MAP2: variants seen among roughly 807,000 people sequenced by gnomAD.
MAP2 encodes the protein microtubule associated protein 2.
A neutral mutation model predicts 137.6 loss-of-function variants in MAP2; 14 were observed. The observed-to-expected ratio is 0.10, with a 90% confidence interval of 0.07 to 0.16. MAP2 has a LOEUF of 0.16. Among genes scored for constraint, MAP2 ranks in the 10% least tolerant of loss-of-function variants. The pLI, the probability that MAP2 is intolerant of heterozygous loss-of-function variation, is 1.00. For synonymous variants in MAP2, 786 were observed against 782.3 expected (o/e 1.00, Z -0.08); for missense variants, 2,088 against 2,191.5 (o/e 0.95, Z 0.94).
At chr2:209,524,816 G>A (rs1168480586) in intron 2 of MAP2, among the ~76,000 whole-genome samples, 2 of 152,002 alleles carry the variant, frequency 1.3e-5, no homozygotes, top group Admixed American at 1.3e-4. Flanking sequence ...GGATTACAAA[G>A]GGTGTGAAAA....
chr2:209,504,621 T>G (rs1176915008), intron 1 of MAP2, among the ~76,000 whole-genome samples: 1 of 152,178 alleles, frequency 6.6e-6, no homozygotes, highest in South Asian at 2.1e-4. Flanking sequence ...CCATGCAAGA[T>G]CCTAGGATAA....
chr2:209,589,166 CA>C (rs952169402), intron 3 of MAP2, among the ~76,000 whole-genome samples: 5 of 149,438 alleles, frequency 3.3e-5, no homozygotes, highest in African/African-American at 7.4e-5. Context: ...ATTTTAAGGA[CA>C]AAAAAAAATA....
chr2:209,463,466 C>A (rs1016879266), intron 1 of MAP2, among the ~76,000 whole-genome samples: 7 of 151,966 alleles, frequency 4.6e-5, no homozygotes, highest in African/African-American at 1.7e-4. Flanking sequence ...CTTTTTTTGG[C>A]CTCTCTCTGG....
Position 209,510,179 on chromosome 2 carries a change from C to G in MAP2, c.-172+2538C>G, listed in dbSNP as rs145215178. ...TACTTCTTTTTCTTTATTATTAATA[C>G]TGCTACCAGCATTTTGGTATATTTT... On this transcript the variant is annotated intron_variant, in intron 2 of 15. Coordinates refer to ENST00000682079, the MANE Select transcript of MAP2 (RefSeq NM_001375505.1). 2.0e-5 allele frequency among the ~76,000 whole-genome samples: 3 copies of G among 151,984 alleles called. No homozygotes were observed. The East Asian group carries it at 5.8e-4, about 29-fold the overall frequency.
At chr2:209,608,311 C>A (rs1307909358) in intron 3 of MAP2, among the ~76,000 whole-genome samples, 1 of 151,284 alleles carries the variant, frequency 6.6e-6, no homozygotes, top group African/African-American at 2.4e-5. Flanking sequence ...TTAATGGAGA[C>A]AGTATCTTGC....
intron 2 of MAP2, among the ~76,000 whole-genome samples, chr2:209,519,413 A>T (rs1342071962): frequency 6.6e-6 from 1 of 152,062 alleles, no homozygotes; most frequent in Non-Finnish European, 1.5e-5. Flanking sequence ...TGACAGGAAG[A>T]AGTTTTGCAA....
intron 5 of MAP2, among the ~76,000 whole-genome samples, chr2:209,677,813 C>T (rs1357092348): frequency 2.0e-5 from 3 of 151,858 alleles, no homozygotes; most frequent in Non-Finnish European, 4.4e-5. Context: ...CTTTAAAGAT[C>T]TTTAAAATAT....
intron 5 of MAP2, among the ~76,000 whole-genome samples, chr2:209,656,731 T>C (rs1417042813): frequency 6.6e-6 from 1 of 151,684 alleles, no homozygotes; most frequent in African/African-American, 2.4e-5. Flanking sequence ...GTCGTTATAA[T>C]AAGTCTAAAG....
chr2:209,681,730 T>G (rs1369694932), intron 7 of MAP2, among the ~76,000 whole-genome samples: 1 of 152,188 alleles, frequency 6.6e-6, no homozygotes, highest in Admixed American at 6.5e-5. Context: ...TTATTTTTCC[T>G]TTTTACTGTG....
intron 2 of MAP2, among the ~76,000 whole-genome samples, chr2:209,576,405 A>G (rs1371879883): frequency 6.6e-6 from 1 of 150,962 alleles, no homozygotes; most frequent in Non-Finnish European, 1.5e-5. Flanking sequence ...CACCACACCC[A>G]GCTAATTTTT....
intron 5 of MAP2, among the ~76,000 whole-genome samples, chr2:209,661,834 A>G (rs1167774641): frequency 6.6e-6 from 1 of 152,212 alleles, no homozygotes; most frequent in Non-Finnish European, 1.5e-5. Context: ...TATAATAAAG[A>G]ATTGTGTCTT....
intron 2 of MAP2, among the ~76,000 whole-genome samples, chr2:209,508,587 CACA>C (rs1559253496): frequency 6.8e-4 from 10 of 14,672 alleles, no homozygotes; most frequent in Middle Eastern, 0.1. Flanking sequence ...CTCTGTCCCA[CACA>C]CACACACACA....
At chr2:209,642,396 C>T (rs2094107645) in intron 4 of MAP2, among the ~76,000 whole-genome samples, 1 of 148,702 alleles carries the variant, frequency 6.7e-6, no homozygotes, top group South Asian at 2.1e-4. Context: ...CTCCGCATTC[C>T]AGCCTGAGTG....
At chr2:209,531,108 G>A (rs1373691358) in intron 2 of MAP2, among the ~76,000 whole-genome samples, 1 of 152,056 alleles carries the variant, frequency 6.6e-6, no homozygotes, top group African/African-American at 2.4e-5. Context: ...TTTCTGATTA[G>A]TGGCCAACAT....
At chr2:209,601,261 C>A (rs1378299574) in intron 3 of MAP2, among the ~76,000 whole-genome samples, 2 of 151,528 alleles carry the variant, frequency 1.3e-5, no homozygotes, top group Non-Finnish European at 2.9e-5. Flanking sequence ...GTAGTCAATC[C>A]TTTCAGTTTT....
At chr2:209,581,649 C>A (rs1320853679) in intron 3 of MAP2, among the ~76,000 whole-genome samples, 2 of 152,146 alleles carry the variant, frequency 1.3e-5, no homozygotes, top group African/African-American at 4.8e-5. Flanking sequence ...ATATATTTCA[C>A]ATGAAGATCT....
At chr2:209,590,892 C>T (rs1021642798) in intron 3 of MAP2, among the ~76,000 whole-genome samples, 1 of 152,148 alleles carries the variant, frequency 6.6e-6, no homozygotes, top group African/African-American at 2.4e-5. Context: ...CTGTCCTCCT[C>T]TTCATGGTCA....
intron 2 of MAP2, among the ~76,000 whole-genome samples, chr2:209,534,951 A>G (rs2065725630): frequency 6.7e-6 from 1 of 148,862 alleles, no homozygotes; most frequent in African/African-American, 2.5e-5. Context: ...GAATTATAAA[A>G]TCCAGTGGTT....
chr2:209,514,985 C>T (rs771675754), intron 2 of MAP2, among the ~76,000 whole-genome samples: 4 of 152,200 alleles, frequency 2.6e-5, no homozygotes, highest in Non-Finnish European at 5.9e-5. Context: ...AATTATGTGC[C>T]TTTTCTGAAC....
Sources: gnomAD v4.1 joint callset for allele counts (sites outside exome capture counted in the v4.1 genomes callset) on GRCh38, gnomAD v4.1.1 for gene constraint, MANE v1.5 for transcripts, NCBI Gene and HGNC (gene_info 2026-07-23, HGNC 2026-07-21) for gene names.